The following PMS1 variants were observed in gnomAD, a reference collection of about 807,000 sequenced individuals.
PMS1 encodes the protein PMS1 protein homolog 1.
PMS1 carries 79 observed loss-of-function variants against 93.1 expected under a neutral mutation model. That is an observed-to-expected ratio of 0.85 (90% CI 0.71 to 1.02). The LOEUF is 1.02. PMS1 is among the 50% of genes least tolerant of loss of function. The pLI, the probability that PMS1 is intolerant of heterozygous loss-of-function variation, is 0.00. For missense variants in PMS1, 1,064 were observed against 1,085.3 expected, an observed-to-expected ratio of 0.98 and a Z score of 0.28; for synonymous variants, 335 against 363.4, an observed-to-expected ratio of 0.92 and a Z score of 0.89.
chr2:189,841,035 G>C (rs1464251442), intron 5 of PMS1, among the ~76,000 whole-genome samples: 1 of 152,156 alleles, frequency 6.6e-6, no homozygotes, highest in Non-Finnish European at 1.5e-5. Context: ...TTAGAGTCTG[G>C]AGTTGGTTCT....
At position 189,807,543 on chromosome 2, in the gene PMS1, T is replaced by G. The variant is rs141169887; in HGVS notation, c.418+1789T>G. 1.4e-4 allele frequency among the ~76,000 whole-genome samples: 21 copies of G among 152,284 alleles called. No individual in the cohort carries two copies. In the East Asian group the frequency reaches 4.0e-3, roughly 29 times the overall value. The stretch of plus-strand genomic sequence containing the variant: ...GTCGCCTTATAAAACTTAAAGGAAT[T>G]TATTTTTGTCTTAGTAGTGACCAGT... On this transcript the variant is annotated intron_variant, in intron 4 of 12. Transcript: ENST00000441310.
At chr2:189,859,538 C>G (rs992563296) in intron 9 of PMS1, among the ~76,000 whole-genome samples, 5 of 152,136 alleles carry the variant, frequency 3.3e-5, no homozygotes, top group African/African-American at 1.2e-4. Context: ...GAATTAGAAG[C>G]TCTGAGGATG....
chr2:189,846,019 TGGCCCCATGCTCATTTTTCTGA>T (rs2054223720), intron 6 of PMS1, among the ~76,000 whole-genome samples: 1 of 151,598 alleles, frequency 6.6e-6, no homozygotes, highest in Admixed American at 6.6e-5. Context: ...CCACTGCATC[TGGCCCCATGCTCATTTTTCTGA>T]GGCATATCTT....
At chr2:189,805,565 A>G (rs1350827609) in intron 3 of PMS1, 87 bp from the exon 4 acceptor site, 3 of 1,041,118 alleles carry the variant, frequency 2.9e-6, no homozygotes, top group Non-Finnish European at 4.5e-6. Flanking sequence ...GAGTAAATAT[A>G]TTATGCAATA....
chr2:189,796,379 T>C (rs2049355614), intron 3 of PMS1, among the ~76,000 whole-genome samples: 1 of 152,134 alleles, frequency 6.6e-6, no homozygotes, highest in Non-Finnish European at 1.5e-5. Context: ...TATATATACA[T>C]AACATAAAAT....
intron 11 of PMS1, 138 bp downstream of exon 11, chr2:189,868,067 AT>A (rs1396980450): frequency 5.3e-6 from 4 of 747,754 alleles, no homozygotes; most frequent in Non-Finnish European, 9.3e-6. Context: ...ATGTTAAAAC[AT>A]TTTTTTCAAA....
At chr2:189,801,539 T>C (rs1419161443) in intron 3 of PMS1, among the ~76,000 whole-genome samples, 1 of 152,228 alleles carries the variant, frequency 6.6e-6, no homozygotes, top group African/African-American at 2.4e-5. Flanking sequence ...ATCAAAGAAA[T>C]GTTTAAGAAA....
chr2:189,800,296 A>C (rs925440596), intron 3 of PMS1, among the ~76,000 whole-genome samples: 1 of 152,176 alleles, frequency 6.6e-6, no homozygotes, highest in Non-Finnish European at 1.5e-5. Context: ...AAATGTATTT[A>C]TAAAGTTTAA....
intron 4 of PMS1, among the ~76,000 whole-genome samples, chr2:189,817,353 G>A (rs1356186057): frequency 1.3e-5 from 2 of 152,160 alleles, no homozygotes; most frequent in Non-Finnish European, 2.9e-5. Flanking sequence ...TCATTCTTCA[G>A]TGTTTTAAAA....
At position 189,853,861 on chromosome 2, in the gene PMS1, T is replaced by G. The variant is rs2055043806; in HGVS notation, c.823-78T>G. On this transcript the variant is annotated intron_variant, in intron 7 of 12. Coordinates refer to ENST00000441310, the MANE Select transcript of PMS1 (RefSeq NM_000534.5). ...TAAGCAGTTGCATCTACTCAATTTC[T>G]CAGTTGAATTTGCTGGGTTTTATTG... The G allele has an allele frequency of 1.1e-5, 10 of 884,432 alleles. No individual in the cohort carries two copies. The East Asian group carries it at 2.7e-4, about 24-fold the overall frequency. The allele number at this position is 884,432 out of a possible 1,614,324, so 54.8% of individuals were successfully genotyped here. A position where few individuals can be genotyped will look rare whatever the true frequency, so the allele number is the denominator to read the frequency against.
chr2:189,877,280 A>G lies in PMS1; in HGVS notation c.2643A>G (p.Ala881=). 6.2e-7 allele frequency: 1 copy of G among 1,613,584 alleles called. No individual in the cohort carries two copies. The highest frequency in any genetic ancestry group is 8.5e-7 in the Non-Finnish European group (1 of 1,179,496). ...RKVISYLEGE[A]VRLSRQLPMY... is the part of the protein sequence containing the mutation. ...ACTTTCCCTTTGGACAGGGAGAAGC[A>G]GTGCGTCTATCCAGACAATTACCCA... Residue 881 remains alanine, a synonymous_variant, in exon 13 of 13, where the codon GCA becomes GCG. Coordinates refer to ENST00000441310, the MANE Select transcript of PMS1 (RefSeq NM_000534.5).
At chr2:189,800,603 T>C (rs553581506) in intron 3 of PMS1, among the ~76,000 whole-genome samples, 1 of 152,288 alleles carries the variant, frequency 6.6e-6, no homozygotes, top group Admixed American at 6.5e-5. Context: ...AGAAAAAATA[T>C]ATTTTCAAGA....
chr2:189,797,136 T>A (rs925254044), intron 3 of PMS1, among the ~76,000 whole-genome samples: 1 of 152,196 alleles, frequency 6.6e-6, no homozygotes, highest in Non-Finnish European at 1.5e-5. Flanking sequence ...TCATTTTTGT[T>A]TGTTTGTTTG....
intron 4 of PMS1, among the ~76,000 whole-genome samples, chr2:189,808,601 GA>G (rs1256977508): frequency 1.3e-5 from 2 of 152,148 alleles, no homozygotes; most frequent in African/African-American, 4.8e-5. Flanking sequence ...AAAGTGCTGG[GA>G]TTATAGGCGT....
chr2:189,850,355 A>G (rs1392491162), intron 6 of PMS1, among the ~76,000 whole-genome samples: 2 of 152,178 alleles, frequency 1.3e-5, no homozygotes, highest in African/African-American at 4.8e-5. Context: ...TTAACAGACT[A>G]GGTAGCTGGC....
intron 9 of PMS1, among the ~76,000 whole-genome samples, chr2:189,862,266 G>A (rs2056098042): frequency 6.6e-6 from 1 of 152,026 alleles, no homozygotes; most frequent in Admixed American, 6.5e-5. Context: ...CTGCTGTTAA[G>A]CCTACCCGGT....
Position 189,867,848 on chromosome 2 carries a change from G to T in PMS1, c.2392G>T (p.Asp798Tyr). The change falls in exon 11 of 13, where the codon GAT becomes TAT. Residue 798 changes from aspartate (D) to tyrosine (Y), a missense_variant. Transcript: ENST00000441310. Reference sequence around the variant, plus strand: ...AGACGTTTTATATAAAATGACAGCAGATGACCAAAGATACAGTGGATCAAC... The same window carrying T: ...AGACGTTTTATATAAAATGACAGCATATGACCAAAGATACAGTGGATCAAC... ...YLDVLYKMTA[D>Y]DQRYSGSTYL... 1 of 1,584,390 alleles carries T rather than the reference G, an allele frequency of 6.3e-7. No homozygotes were observed. The highest frequency in any genetic ancestry group is 1.1e-5 in the South Asian group (1 of 90,504).
chr2:189,792,473 T>C (rs937239678), intron 2 of PMS1, among the ~76,000 whole-genome samples: 2 of 152,048 alleles, frequency 1.3e-5, no homozygotes, highest in Non-Finnish European at 2.9e-5. Context: ...TGTACCTGGC[T>C]AGTACCTAGT....
rs113193813 is a variant in PMS1 at position 189,791,924 on chromosome 2, A to C, written c.115A>C (p.Ser39Arg). 1 of 1,613,908 alleles carries C rather than the reference A, an allele frequency of 6.2e-7. No homozygotes were observed. Among genetic ancestry groups the C allele is most frequent in the Non-Finnish European group, 8.5e-7 (1 of 1,179,910 alleles). ...IENSLDAGATSVDVKLENYGF... is the reference protein window; with the variant it reads ...IENSLDAGATRVDVKLENYGF... Reference sequence around the variant, plus strand: ...AAACTCCTTGGATGCTGGTGCCACAAGCGTAGATGTTAAACTGGTGAGTGT... The same window carrying C: ...AAACTCCTTGGATGCTGGTGCCACACGCGTAGATGTTAAACTGGTGAGTGT... The change falls in exon 2 of 13, where the codon AGC (serine) becomes CGC (arginine). Residue 39 changes from serine (S) to arginine (R), a missense_variant. Coordinates refer to ENST00000441310, the MANE Select transcript of PMS1 (RefSeq NM_000534.5).
Sources: gnomAD v4.1 joint callset for allele counts (sites outside exome capture counted in the v4.1 genomes callset) on GRCh38, gnomAD v4.1.1 for gene constraint, MANE v1.5 for transcripts, NCBI Gene and HGNC (gene_info 2026-07-23, HGNC 2026-07-21) for gene names.